The following FAM3D variants were observed in gnomAD, a reference collection of about 807,000 sequenced individuals.
FAM3D encodes FAM3 metabolism regulating signaling molecule D.
In FAM3D, 26 loss-of-function variants were observed where a neutral mutation model predicts 29.8. That is an observed-to-expected ratio of 0.87 (90% CI 0.64 to 1.21). FAM3D has a LOEUF of 1.21. Among genes scored for constraint, FAM3D ranks in the 50% most tolerant of loss-of-function variants. FAM3D has a pLI of 0.00. For synonymous variants in FAM3D, 115 were observed against 102.3 expected (o/e 1.12, Z -0.75); for missense variants, 253 against 290.9 (o/e 0.87, Z 0.95).
chr3:58,641,389 GTC>G (rs1358748445), intron 6 of FAM3D, among the ~76,000 whole-genome samples: 5 of 151,694 alleles, frequency 3.3e-5, no homozygotes, highest in Non-Finnish European at 7.4e-5. Context: ...TTTGGACAGG[GTC>G]TCTCTGCAGT....
At chr3:58,659,990 C>T (rs1026953) in intron 1 of FAM3D, among the ~76,000 whole-genome samples, 142,162 of 152,238 alleles carry the variant, frequency 0.93, 67,176 homozygotes, top group East Asian at 1. Context: ...TCTTCAGGCT[C>T]CTTTCTGCTC....
intron 1 of FAM3D, among the ~76,000 whole-genome samples, chr3:58,661,926 TCCAGGTCC>T (rs2066939016): frequency 1.3e-5 from 2 of 152,180 alleles, no homozygotes; most frequent in African/African-American, 4.8e-5. Context: ...AATGGGTTCC[TCCAGGTCC>T]CAGCAGAGCA....
At chr3:58,643,600 C>T (rs374864220) in intron 6 of FAM3D, 62 bp downstream of exon 6, 304 of 1,542,984 alleles carry the variant, frequency 2.0e-4, no homozygotes, top group East Asian at 2.7e-4. Context: ...ATGAATATGC[C>T]GCTACCCCCT....
At chr3:58,636,188 T>G (rs2066164504) in intron 9 of FAM3D, 106 bp downstream of exon 9, 3 of 1,486,508 alleles carry the variant, frequency 2.0e-6, no homozygotes, top group Non-Finnish European at 2.7e-6. Flanking sequence ...CCCCAGACAA[T>G]CCTCCCAATT....
At chr3:58,643,848 A>G (rs1395547174) in intron 5 of FAM3D, 128 bp from the exon 6 acceptor site, 2 of 804,510 alleles carry the variant, frequency 2.5e-6, no homozygotes, top group Non-Finnish European at 4.3e-6. Flanking sequence ...CACATGCAAT[A>G]ACTGGGGCCA....
At chr3:58,654,628 T>G (rs534519774) in intron 2 of FAM3D, among the ~76,000 whole-genome samples, 1 of 152,316 alleles carries the variant, frequency 6.6e-6, no homozygotes, top group African/African-American at 2.4e-5. Flanking sequence ...CCACCCATTC[T>G]GCTCTGACTC....
At position 58,640,124 on chromosome 3, in the gene FAM3D, T is replaced by C; in HGVS notation, c.373+3A>G. 6.2e-7 allele frequency: 1 copy of C among 1,614,168 alleles called. No homozygotes were observed. Among genetic ancestry groups the C allele is most frequent in the African/African-American group, 1.3e-5 (1 of 75,040 alleles). ...TGACTTCAGTGTCAGCAGAGGCACC[T>C]ACCTCCAGAGTACATGTCAAATGCC... On this transcript the variant is annotated splice_donor_region_variant and intron_variant, in intron 7 of 9. Coordinates refer to ENST00000358781, the MANE Select transcript of FAM3D (RefSeq NM_138805.3).
rs572649892 is a variant in FAM3D, at chr3:58,660,973, T to A, written c.-38-5372A>T. Among the ~76,000 whole-genome samples the A allele has an allele frequency of 2.6e-5, 4 of 152,284 alleles. No homozygotes were observed. In the South Asian group the frequency reaches 8.3e-4, roughly 32 times the overall value. ...AGGAGACCACACATTCTTAACCACTTTGCCCAACTCAAGCACAAGTTGTAA... is the reference window on the plus strand; with the variant it reads ...AGGAGACCACACATTCTTAACCACTATGCCCAACTCAAGCACAAGTTGTAA... On this transcript the variant is annotated intron_variant, in intron 1 of 9. Coordinates refer to ENST00000358781, the MANE Select transcript of FAM3D (RefSeq NM_138805.3).
chr3:58,649,210 G>A (rs2106839874), intron 4 of FAM3D, 105 bp downstream of exon 4: 2 of 1,383,326 alleles, frequency 1.4e-6, no homozygotes, highest in Non-Finnish European at 2.0e-6. Context: ...TCTGGCACCT[G>A]CAGGGCTCAG....
At chr3:58,641,824 GC>G (rs1396722951) in intron 6 of FAM3D, among the ~76,000 whole-genome samples, 2 of 152,166 alleles carry the variant, frequency 1.3e-5, no homozygotes, top group African/African-American at 4.8e-5. Context: ...CATCCTTTTG[GC>G]TTTGTGAGAA....
chr3:58,640,773 G>A lies in FAM3D; in HGVS notation c.323-596C>T, dbSNP rs549323988. 3.9e-5 allele frequency among the ~76,000 whole-genome samples: 6 copies of A among 152,356 alleles called. No individual in the cohort carries two copies. In the South Asian group the frequency reaches 1.2e-3, roughly 32 times the overall value. On this transcript the variant is annotated intron_variant, in intron 6 of 9. Coordinates refer to ENST00000358781, the MANE Select transcript of FAM3D (RefSeq NM_138805.3). ...CCTCCAGGGAACCGAGTCTTCTGGA[G>A]GAACGTTACAGTTCGCGCTCTCCGC... is the stretch of plus-strand genomic sequence containing the variant.
At position 58,661,768 on chromosome 3, in the gene FAM3D, C is replaced by T. The variant is rs1013923723; in HGVS notation, c.-39+4808G>A. Among the ~76,000 whole-genome samples, 7 of 152,332 alleles carry T rather than the reference C, an allele frequency of 4.6e-5. No individual in the cohort carries two copies. In the East Asian group the frequency reaches 1.4e-3, roughly 29 times the overall value. ...GCAAGAATGCACCCAAAACCCAACA[C>T]CTGGCACAGAGGAAGTGCTCTGCAA... On this transcript the variant is annotated intron_variant, in intron 1 of 9. Coordinates refer to ENST00000358781, the MANE Select transcript of FAM3D (RefSeq NM_138805.3).
intron 1 of FAM3D, among the ~76,000 whole-genome samples, chr3:58,660,842 G>A (rs1459110860): frequency 3.3e-5 from 5 of 152,146 alleles, no homozygotes; most frequent in African/African-American, 7.2e-5. Flanking sequence ...TCTTACAACA[G>A]CTCAATGAAG....
chr3:58,662,749 C>T (rs1386810704), intron 1 of FAM3D, among the ~76,000 whole-genome samples: 1 of 152,152 alleles, frequency 6.6e-6, no homozygotes, highest in African/African-American at 2.4e-5. Flanking sequence ...CCCCTCCCTC[C>T]GAGGCAGTTG....
intron 1 of FAM3D, 139 bp from the exon 2 acceptor site, chr3:58,655,740 A>C (rs1248308986): frequency 3.2e-6 from 2 of 622,212 alleles, no homozygotes; most frequent in African/African-American, 3.6e-5. Context: ...CATATGAACA[A>C]GAGGGCAATT....
chr3:58,647,147 T>C lies in FAM3D; in HGVS notation c.146-1521A>G, dbSNP rs1461427659. ...CTGAGAGGAAATGCCTGTCCAGGGCTCCCCCTCTCCTGGTTTCAGCACACA... is the reference window on the plus strand; with the variant it reads ...CTGAGAGGAAATGCCTGTCCAGGGCCCCCCCTCTCCTGGTTTCAGCACACA... On this transcript the variant is annotated intron_variant, in intron 4 of 9. Transcript: ENST00000358781. Among the ~76,000 whole-genome samples, 5 of 152,126 alleles carry C rather than the reference T, an allele frequency of 3.3e-5. No homozygotes were observed. In the South Asian group the frequency reaches 1.0e-3, roughly 31 times the overall value.
rs545523276 is a variant in FAM3D at position 58,637,946 on chromosome 3, G to A, written c.374-721C>T. On this transcript the variant is annotated intron_variant, in intron 7 of 9. Coordinates refer to ENST00000358781, the MANE Select transcript of FAM3D (RefSeq NM_138805.3). ...GTTGCCCAGGCTGGAGTGCAATGGC[G>A]CGATCTGCGCTCATTGCAACCTCCA... Among the ~76,000 whole-genome samples the A allele has an allele frequency of 2.2e-4, 33 of 151,690 alleles. No homozygotes were observed. The East Asian group carries it at 4.5e-3, about 21-fold the overall frequency.
chr3:58,649,193 A>G (rs1559502294), intron 4 of FAM3D, 122 bp downstream of exon 4: 6 of 1,232,292 alleles, frequency 4.9e-6, no homozygotes, highest in Non-Finnish European at 6.8e-6. Flanking sequence ...CAGGAAGCCC[A>G]GGTTTCTCTG....
chr3:58,644,879 C>T (rs546560845), intron 5 of FAM3D, among the ~76,000 whole-genome samples: 2 of 152,314 alleles, frequency 1.3e-5, no homozygotes, highest in African/African-American at 4.8e-5. Flanking sequence ...GGTCCTGAAG[C>T]CTGCCTACCA....
Sources: gnomAD v4.1 joint callset for allele counts (sites outside exome capture counted in the v4.1 genomes callset) on GRCh38, gnomAD v4.1.1 for gene constraint, MANE v1.5 for transcripts, NCBI Gene and HGNC (gene_info 2026-07-23, HGNC 2026-07-21) for gene names.